ANKRD12: variants seen among roughly 807,000 people sequenced by gnomAD.
ANKRD12 encodes ankyrin repeat domain 12, also known as ankyrin repeat domain-containing protein 12.
ANKRD12 carries 85 observed loss-of-function variants against 183.4 expected under a neutral mutation model. The ratio of observed to expected loss-of-function variants is 0.46; its 90% CI spans 0.39 to 0.56. The LOEUF is 0.56. Ranked by LOEUF, ANKRD12 falls within the 20% of genes least tolerant of loss-of-function variation. The pLI is 0.00. For synonymous variants in ANKRD12, 914 were observed against 800.2 expected, an observed-to-expected ratio of 1.14 and a Z score of -2.40; for missense variants, 2,405 against 2,357.1, an observed-to-expected ratio of 1.02 and a Z score of -0.42.
At position 9,256,713 on chromosome 18, in the gene ANKRD12, C is replaced by G. The variant is rs370129112; in HGVS notation, c.3446C>G (p.Ala1149Gly). The G allele has an allele frequency of 1.2e-6, 2 of 1,611,596 alleles. No homozygotes were observed. Among genetic ancestry groups the G allele is most frequent in the East Asian group, 2.2e-5 (1 of 44,868 alleles). Residue 1149 changes from alanine (A) to glycine (G), a missense_variant, in exon 9 of 13, where the codon GCA becomes GGA. By Grantham distance (60) the Ala-to-Gly change is moderately conservative (BLOSUM62 0). Coordinates refer to ENST00000262126, the MANE Select transcript of ANKRD12 (RefSeq NM_015208.5). Reference protein sequence around the residue: ...TRSKSSEVTDAYTKEKQPKDA... With the variant: ...TRSKSSEVTDGYTKEKQPKDA... ...TCAAAGAGTTCAGAAGTGACTGATG[C>G]ATATACCAAGGAGAAACAACCTAAA... is the stretch of plus-strand genomic sequence containing the variant.
At chr18:9,280,903 A>G (rs1388821051) in intron 12 of ANKRD12, 38 bp from the exon 13 acceptor site, 1 of 1,581,832 alleles carries the variant, frequency 6.3e-7, no homozygotes, top group African/African-American at 1.4e-5. Flanking sequence ...AGCAAAGTTA[A>G]CAGAATAATC....
chr18:9,167,048 A>G (rs2032148964), intron 1 of ANKRD12, among the ~76,000 whole-genome samples: 3 of 152,140 alleles, frequency 2.0e-5, no homozygotes, highest in Non-Finnish European at 4.4e-5. Flanking sequence ...ATTATTTCTG[A>G]GGGCTCTGTT....
At position 9,258,320 on chromosome 18, in the gene ANKRD12, G is replaced by A; in HGVS notation, c.5053G>A (p.Glu1685Lys). The part of the protein sequence containing the change: ...SEKCLLSIED[E>K]ESQQSILSSL... ...AAAGTGTTTGCTTTCCATAGAAGAT[G>A]AGGAATCTCAACAAAGCATTTTATC... The change falls in exon 9 of 13, where the codon GAG (glutamate) becomes AAG (lysine). Residue 1685 changes from glutamate (E) to lysine (K), a missense_variant. Glu to Lys is a moderately conservative substitution (Grantham distance 56). This residue lies in a region of ANKRD12 where 1,983 missense variants were observed against 1,725.9 expected (regional missense o/e 1.15). Coordinates refer to ENST00000262126, the MANE Select transcript of ANKRD12 (RefSeq NM_015208.5). The A allele has an allele frequency of 6.2e-7, 1 of 1,613,744 alleles. No homozygotes were observed. The highest frequency in any genetic ancestry group is 8.5e-7 in the Non-Finnish European group (1 of 1,179,936).
At chr18:9,224,475 A>G (rs1337473697) in intron 8 of ANKRD12, among the ~76,000 whole-genome samples, 1 of 152,134 alleles carries the variant, frequency 6.6e-6, no homozygotes, top group Non-Finnish European at 1.5e-5. Flanking sequence ...AAAACTGCAG[A>G]ACAGTCTTCA....
At position 9,264,014 on chromosome 18, in the gene ANKRD12, TTTATC is replaced by T. The variant is rs2039136092; in HGVS notation, c.5763+129_5763+133del. On this transcript the variant is annotated intron_variant, in intron 10 of 12. Coordinates refer to ENST00000262126, the MANE Select transcript of ANKRD12 (RefSeq NM_015208.5). ...GAACCATTTTGAGAAGTGATTTGGT[TTTATC>T]TTGTGTTTATTAGATGGAAAAATTT... 8 of 927,396 alleles carry T rather than the reference TTTATC, an allele frequency of 8.6e-6. No homozygotes were observed. The Admixed American group carries it at 1.2e-4, about 14-fold the overall frequency. The allele number at this position is 927,396 out of a possible 1,614,324, so 57.4% of individuals were successfully genotyped here.
chr18:9,199,943 G>A (rs942436848), intron 3 of ANKRD12, among the ~76,000 whole-genome samples: 21 of 151,900 alleles, frequency 1.4e-4, no homozygotes, highest in Non-Finnish European at 4.4e-5. Flanking sequence ...GGTCCTTTTT[G>A]TATGGCTTGA....
At chr18:9,137,183 A>G (rs1455453594) in intron 1 of ANKRD12, 1 of 150,532 alleles carries the variant, frequency 6.6e-6, no homozygotes, top group Non-Finnish European at 1.5e-5. Flanking sequence ...TGACAGTGAC[A>G]GGCCGTTAGT....
At chr18:9,259,974 T>C (rs1020076954) in intron 9 of ANKRD12, 2 of 152,208 alleles carry the variant, frequency 1.3e-5, no homozygotes, top group African/African-American at 4.8e-5. Flanking sequence ...TGCAAATCAC[T>C]GTAAGGGTCA....
At position 9,254,910 on chromosome 18, in the gene ANKRD12, G is replaced by A; in HGVS notation, c.1643G>A (p.Cys548Tyr). ...ISTGKSPKHS[C>Y]GLSEKQSTPL... is the part of the protein sequence containing the mutation. ...ACTGGTAAATCTCCCAAACATTCTT[G>A]TGGATTAAGTGAAAAACAGTCAACA... The change falls in exon 9 of 13, where the codon TGT (cysteine) becomes TAT (tyrosine). Residue 548 changes from cysteine to tyrosine, a missense_variant. Transcript: ENST00000262126. 7 of 1,565,278 alleles carry A rather than the reference G, an allele frequency of 4.5e-6. No individual in the cohort carries two copies. The highest frequency in any genetic ancestry group is 6.0e-6 in the Non-Finnish European group (7 of 1,159,124).
At chr18:9,153,815 T>C (rs1003256775) in intron 1 of ANKRD12, among the ~76,000 whole-genome samples, 4 of 152,166 alleles carry the variant, frequency 2.6e-5, no homozygotes, top group Admixed American at 6.5e-5. Flanking sequence ...CCTGATGTCT[T>C]CTGGGACTGT....
At position 9,281,091 on chromosome 18, in the gene ANKRD12, G is replaced by T; in HGVS notation, c.6154G>T (p.Asp2052Tyr). The T allele has an allele frequency of 6.2e-7, 1 of 1,613,932 alleles. No homozygotes were observed. The highest frequency in any genetic ancestry group is 8.5e-7 in the Non-Finnish European group (1 of 1,179,968). The part of the protein sequence containing the change: ...EIQEFYVPLV[D>Y]VNDDFELTPI ...CCAGGAGTTTTATGTTCCCCTTGTT[G>T]ATGTTAACGACGACTTTGAATTGAC... Residue 2052 changes from aspartate (D) to tyrosine (Y), a missense_variant, in exon 13 of 13, where the codon GAT (aspartate) becomes TAT (tyrosine). Physicochemically the swap from Asp to Tyr is radical, Grantham distance 160 (BLOSUM62 -3). Around this residue, in one of 7 missense-constraint regions of ANKRD12, gnomAD observed 162 missense variants for 272.2 expected, o/e 0.60. Transcript: ENST00000262126.
intron 1 of ANKRD12, among the ~76,000 whole-genome samples, chr18:9,177,135 A>C (rs992744947): frequency 1.9e-4 from 29 of 152,322 alleles, no homozygotes; most frequent in African/African-American, 6.7e-4. Context: ...AGTAGCCCTG[A>C]ACAAGTATTA....
intron 3 of ANKRD12, among the ~76,000 whole-genome samples, chr18:9,198,078 C>T (rs1352942188): frequency 2.0e-5 from 3 of 151,698 alleles, no homozygotes; most frequent in East Asian, 1.9e-4. Flanking sequence ...GTGATATTTC[C>T]CATATGAAAG....
intron 1 of ANKRD12, among the ~76,000 whole-genome samples, chr18:9,165,354 A>G (rs1291499243): frequency 6.6e-6 from 1 of 152,128 alleles, no homozygotes; most frequent in African/African-American, 2.4e-5. Context: ...GGTAAAATAT[A>G]CATAACATAG....
rs764352496 is a variant in ANKRD12 at position 9,256,917 on chromosome 18, A to ATAC, written c.3654_3656dup (p.Thr1219dup). The stretch of plus-strand genomic sequence containing the variant: ...GTTGCTAGTTCAGAAGATTCCTGCC[A>ATAC]TACTACAGTGACAACCCCAAGGCCT... On this transcript the variant is annotated inframe_insertion, in exon 9 of 13. Transcript: ENST00000262126. 11 of 1,614,036 alleles carry ATAC rather than the reference A, an allele frequency of 6.8e-6. No individual in the cohort carries two copies. In the Admixed American group the frequency reaches 1.7e-4, roughly 24 times the overall value.
At chr18:9,277,489 G>A (rs868219294) in intron 11 of ANKRD12, among the ~76,000 whole-genome samples, 45 of 151,426 alleles carry the variant, frequency 3.0e-4, no homozygotes, top group African/African-American at 1.0e-3. Flanking sequence ...CACCACACCC[G>A]GCTAATTTTT....
intron 8 of ANKRD12, among the ~76,000 whole-genome samples, chr18:9,247,188 A>G (rs1411540623): frequency 2.0e-5 from 3 of 152,164 alleles, no homozygotes; most frequent in Admixed American, 1.3e-4. Context: ...AGAGCCTACT[A>G]TTAACTAATT....
At chr18:9,159,685 C>T (rs1173019021) in intron 1 of ANKRD12, among the ~76,000 whole-genome samples, 4 of 151,862 alleles carry the variant, frequency 2.6e-5, no homozygotes, top group African/African-American at 4.8e-5. Flanking sequence ...GTGATCCACC[C>T]GCCTCGGCCT....
At chr18:9,254,053 A>G (rs2038451757) in intron 8 of ANKRD12, among the ~76,000 whole-genome samples, 158 bp from the exon 9 acceptor site, 2 of 152,310 alleles carry the variant, frequency 1.3e-5, no homozygotes, top group South Asian at 4.1e-4. Context: ...GAGTTCTTAC[A>G]CATTGCTATT....
Sources: allele counts gnomAD v4.1 joint callset (sites outside exome capture counted in the v4.1 genomes callset), GRCh38; gene constraint gnomAD v4.1.1; regional missense constraint gnomAD v4.1.1; transcripts MANE v1.5; gene names NCBI Gene and HGNC (gene_info 2026-07-23, HGNC 2026-07-21).